Variants in ANKRD44 observed in about 807,000 individuals in gnomAD.
ANKRD44 encodes the protein serine/threonine-protein phosphatase 6 regulatory ankyrin repeat subunit B.
In ANKRD44, 35 loss-of-function variants were observed where a neutral mutation model predicts 116.0. The ratio of observed to expected loss-of-function variants is 0.30; its 90% CI spans 0.23 to 0.40. The LOEUF is 0.40. ANKRD44 is among the 10% of genes least tolerant of loss of function. The pLI, the probability that ANKRD44 is intolerant of heterozygous loss-of-function variation, is 1.00. For synonymous variants in ANKRD44, 435 were observed against 461.8 expected (o/e 0.94, Z 0.74); for missense variants, 1,014 against 1,242.6 (o/e 0.82, Z 2.77).
intron 2 of ANKRD44, among the ~76,000 whole-genome samples, chr2:197,175,697 C>T (rs2080348294): frequency 6.6e-6 from 1 of 152,122 alleles, no homozygotes; most frequent in Non-Finnish European, 1.5e-5. Context: ...AGAAAGTACA[C>T]AATGAAGTAT....
At chr2:196,978,804 A>G (rs1363846702) in intron 21 of ANKRD44, among the ~76,000 whole-genome samples, 1 of 150,604 alleles carries the variant, frequency 6.6e-6, no homozygotes, top group South Asian at 2.1e-4. Context: ...TTCTTTTTTA[A>G]TGGCTGCTGA....
chr2:197,305,295 A>G (rs1222192963), intron 1 of ANKRD44, among the ~76,000 whole-genome samples: 1 of 152,244 alleles, frequency 6.6e-6, no homozygotes, highest in Non-Finnish European at 1.5e-5. Flanking sequence ...AGAGGGACTC[A>G]GGGACCACTG....
At chr2:196,998,826 G>T in intron 24 of ANKRD44, 81 bp downstream of exon 24, 1 of 1,566,176 alleles carries the variant, frequency 6.4e-7, no homozygotes, top group East Asian at 2.2e-5. Context: ...TATATACTAT[G>T]AGAACAACTG....
intron 1 of ANKRD44, among the ~76,000 whole-genome samples, chr2:197,279,801 C>G (rs1306651944): frequency 6.6e-6 from 1 of 152,164 alleles, no homozygotes; most frequent in Non-Finnish European, 1.5e-5. Flanking sequence ...TCAGCTGGCA[C>G]CCTAAACACA....
intron 10 of ANKRD44, among the ~76,000 whole-genome samples, chr2:197,093,624 C>T (rs531844385): frequency 6.2e-4 from 94 of 152,250 alleles, no homozygotes; most frequent in African/African-American, 2.2e-3. Flanking sequence ...AATAGTAAAA[C>T]TAAGTTTCAA....
At chr2:196,979,554 C>CTTTTTTTTTTTTTTTTTTTTTTTTTTT (rs71012942) in intron 21 of ANKRD44, among the ~76,000 whole-genome samples, 4 of 59,644 alleles carry the variant, frequency 6.7e-5, no homozygotes, top group Non-Finnish European at 1.2e-4. Flanking sequence ...AATAAGATGA[C>CTTTTTTTTTTTTTTTTTTTTTTTTTTT]TTTTTTTTTT....
At chr2:197,121,740 A>G (rs1574495711) in intron 7 of ANKRD44, among the ~76,000 whole-genome samples, 196 bp from the exon 8 acceptor site, 2 of 152,350 alleles carry the variant, frequency 1.3e-5, no homozygotes, top group Non-Finnish European at 2.9e-5. Context: ...CAAAAAGTCA[A>G]TGTGGCAAAA....
intron 1 of ANKRD44, among the ~76,000 whole-genome samples, chr2:197,294,803 A>T (rs1047943855): frequency 1.3e-5 from 2 of 152,170 alleles, no homozygotes; most frequent in Admixed American, 1.3e-4. Flanking sequence ...TTCCATCCCC[A>T]TATTAATCTA....
chr2:197,012,175 G>T (rs2076312723), intron 18 of ANKRD44, among the ~76,000 whole-genome samples: 1 of 152,214 alleles, frequency 6.6e-6, no homozygotes, highest in Non-Finnish European at 1.5e-5. Context: ...TCCAGTGACA[G>T]TGTCTTTTTA....
chr2:197,085,394 A>G (rs1489356816), intron 13 of ANKRD44, among the ~76,000 whole-genome samples: 1 of 152,158 alleles, frequency 6.6e-6, no homozygotes, highest in African/African-American at 2.4e-5. Context: ...CATCTTGAAT[A>G]AGGGCTGGGT....
At chr2:196,979,932 C>A (rs1484128623) in intron 21 of ANKRD44, among the ~76,000 whole-genome samples, 5 of 152,116 alleles carry the variant, frequency 3.3e-5, no homozygotes, top group Non-Finnish European at 5.9e-5. Flanking sequence ...CTTAGCAACA[C>A]TGTCCCCTGC....
intron 1 of ANKRD44, 30 bp downstream of exon 1, chr2:197,310,548 G>A (rs1008037769): frequency 4.4e-6 from 5 of 1,130,654 alleles, no homozygotes; most frequent in Admixed American, 4.1e-5. Context: ...GCGCCCGCGC[G>A]TCCCGCCCGC....
At chr2:196,972,574 G>C (rs1380354689) in intron 21 of ANKRD44, among the ~76,000 whole-genome samples, 1 of 152,178 alleles carries the variant, frequency 6.6e-6, no homozygotes, top group Non-Finnish European at 1.5e-5. Flanking sequence ...TATGGTGATA[G>C]AACATATTTG....
chr2:197,129,050 C>G (rs2079040564), intron 4 of ANKRD44, among the ~76,000 whole-genome samples: 1 of 152,060 alleles, frequency 6.6e-6, no homozygotes, highest in East Asian at 1.9e-4. Context: ...ACTCTTTTCA[C>G]AACAGATAAG....
At position 197,086,588 on chromosome 2, in the gene ANKRD44, G is replaced by A. The variant is rs186670930; in HGVS notation, c.1316+92C>T. 176 of 1,262,830 alleles carry A rather than the reference G, an allele frequency of 1.4e-4. No individual in the cohort carries two copies. In the East Asian group the frequency reaches 3.8e-3, roughly 27 times the overall value. The allele number at this position is 1,262,830 out of a possible 1,614,324, so 78.2% of individuals were successfully genotyped here. Reference sequence around the variant, plus strand: ...ATGGAATCCCCCCAGCTAACTTCCCGGTTTACCATTTCAACCTAACTTGAT... The same window carrying A: ...ATGGAATCCCCCCAGCTAACTTCCCAGTTTACCATTTCAACCTAACTTGAT... On this transcript the variant is annotated intron_variant, in intron 13 of 27. Transcript: ENST00000282272.
chr2:197,254,044 C>G (rs2082382006), intron 1 of ANKRD44, among the ~76,000 whole-genome samples: 1 of 152,224 alleles, frequency 6.6e-6, no homozygotes, highest in South Asian at 2.1e-4. Context: ...CTTCTGGCCT[C>G]ACGTAACTAA....
intron 1 of ANKRD44, among the ~76,000 whole-genome samples, chr2:197,234,816 C>T (rs2081944685): frequency 6.6e-6 from 1 of 152,158 alleles, no homozygotes; most frequent in African/African-American, 2.4e-5. Flanking sequence ...TTCCAGTATC[C>T]CCTTCCTGCC....
chr2:197,149,512 G>A (rs1023929660), intron 2 of ANKRD44, among the ~76,000 whole-genome samples: 2 of 152,158 alleles, frequency 1.3e-5, no homozygotes, highest in African/African-American at 4.8e-5. Flanking sequence ...TGTGCTTAAA[G>A]GTTTCTGGTA....
intron 16 of ANKRD44, among the ~76,000 whole-genome samples, chr2:197,077,154 C>T (rs1465777460): frequency 3.3e-5 from 5 of 152,190 alleles, no homozygotes; most frequent in Non-Finnish European, 1.5e-5. Context: ...TTCTCCACAA[C>T]CTGGCCAGCA....
Sources: gnomAD v4.1 joint callset for allele counts (sites outside exome capture counted in the v4.1 genomes callset) on GRCh38, gnomAD v4.1.1 for gene constraint, MANE v1.5 for transcripts, NCBI Gene and HGNC (gene_info 2026-07-23, HGNC 2026-07-21) for gene names.